Variants in GSE1 observed in about 807,000 individuals in gnomAD.
The protein encoded by GSE1 is Gse1 coiled-coil protein.
GSE1 carries 32 observed loss-of-function variants against 112.6 expected under a neutral mutation model. The ratio of observed to expected loss-of-function variants is 0.28; its 90% CI spans 0.21 to 0.38. The LOEUF (loss-of-function observed/expected upper bound fraction) is 0.38, where lower values mean the gene tolerates loss of function less well. Among genes scored for constraint, GSE1 ranks in the 10% least tolerant of loss-of-function variants. The probability of loss-of-function intolerance (pLI) is 1.00; values close to 1 mark genes in which losing one functional copy is unlikely to be tolerated. For synonymous variants in GSE1, 1,115 were observed against 735.6 expected (o/e 1.52, Z -8.35); for missense variants, 2,348 against 1,699.2 (o/e 1.38, Z -6.71).
intron 1 of GSE1, among the ~76,000 whole-genome samples, chr16:85,325,373 T>C (rs1340738771): frequency 6.6e-6 from 1 of 152,176 alleles, no homozygotes; most frequent in Non-Finnish European, 1.5e-5. Context: ...TCCCTCTAAG[T>C]TCTTCCAGTG....
chr16:85,471,223 G>A (rs1305525079), intron 2 of GSE1, among the ~76,000 whole-genome samples: 1 of 152,202 alleles, frequency 6.6e-6, no homozygotes, highest in African/African-American at 2.4e-5. Flanking sequence ...CATTTCTGGT[G>A]GGGGCAGGTC....
At chr16:85,514,817 C>T (rs1211396605) in intron 2 of GSE1, among the ~76,000 whole-genome samples, 1 of 152,204 alleles carries the variant, frequency 6.6e-6, no homozygotes, top group Non-Finnish European at 1.5e-5. Context: ...AGCTCCTCTC[C>T]CTGTCCCTGC....
chr16:85,641,316 G>A (rs112823759), intron 2 of GSE1, among the ~76,000 whole-genome samples: 4,770 of 152,306 alleles, frequency 0.031, 108 homozygotes, highest in Non-Finnish European at 0.042. Context: ...TCCGCCCCCG[G>A]CAAAACGCAT....
In GSE1 at chr16:85,186,963, A is replaced by G. The variant is rs558229645; in HGVS notation, c.2283+15156A>G. On this transcript the variant is annotated intron_variant, in intron 1 of 2. Transcript: ENST00000637419. Reference sequence around the variant, plus strand: ...CAGGGAAGTTGACTTCCTCTTTCCCACCAGCCCCTCAGGGTGATTTGGTGG... The same window carrying G: ...CAGGGAAGTTGACTTCCTCTTTCCCGCCAGCCCCTCAGGGTGATTTGGTGG... Among the ~76,000 whole-genome samples, 4 of 152,246 alleles carry G rather than the reference A, an allele frequency of 2.6e-5. No individual in the cohort carries two copies. The South Asian group carries it at 8.3e-4, about 32-fold the overall frequency.
chr16:85,509,509 T>C (rs1219057528), intron 2 of GSE1, among the ~76,000 whole-genome samples: 1 of 152,244 alleles, frequency 6.6e-6, no homozygotes, highest in Non-Finnish European at 1.5e-5. Context: ...GTCACCCACC[T>C]GGAGGGTCCG....
chr16:85,252,625 G>A (rs1022002395), intron 1 of GSE1, among the ~76,000 whole-genome samples: 1 of 152,242 alleles, frequency 6.6e-6, no homozygotes. Flanking sequence ...AGCAGGAAGA[G>A]GCTGGAGAGG....
chr16:85,447,447 G>C (rs887271623), intron 2 of GSE1, among the ~76,000 whole-genome samples: 1 of 152,198 alleles, frequency 6.6e-6, no homozygotes, highest in African/African-American at 2.4e-5. Flanking sequence ...TCTGAAAAAC[G>C]GGGCAGTTAA....
intron 2 of GSE1, among the ~76,000 whole-genome samples, chr16:85,483,191 C>T (rs926194055): frequency 6.6e-6 from 1 of 152,240 alleles, no homozygotes; most frequent in African/African-American, 2.4e-5. Context: ...AGACATCTCA[C>T]TGTGTATTAA....
chr16:85,493,656 G>A (rs1232125647), intron 2 of GSE1, among the ~76,000 whole-genome samples: 1 of 152,124 alleles, frequency 6.6e-6, no homozygotes, highest in Admixed American at 6.5e-5. Flanking sequence ...GGGAGGCTGA[G>A]GCAGGAGAAT....
intron 2 of GSE1, among the ~76,000 whole-genome samples, chr16:85,431,752 T>A (rs1247490060): frequency 1.3e-5 from 2 of 152,192 alleles, no homozygotes; most frequent in Admixed American, 1.3e-4. Context: ...AGAGGGTATC[T>A]GGGCCGCCTT....
intron 2 of GSE1, among the ~76,000 whole-genome samples, chr16:85,366,545 G>C (rs1010922343): frequency 2.0e-5 from 3 of 152,346 alleles, no homozygotes; most frequent in Non-Finnish European, 2.9e-5. Context: ...CTCTTTCCTT[G>C]TAAGTGGGTC....
At chr16:85,497,157 C>T (rs576195450) in intron 2 of GSE1, among the ~76,000 whole-genome samples, 43 of 152,354 alleles carry the variant, frequency 2.8e-4, no homozygotes, top group South Asian at 4.1e-4. Flanking sequence ...CCTCAGCCTC[C>T]CAAAGTGCTG....
At chr16:85,532,890 C>A (rs2044182582) in intron 2 of GSE1, among the ~76,000 whole-genome samples, 1 of 152,178 alleles carries the variant, frequency 6.6e-6, no homozygotes, top group African/African-American at 2.4e-5. Context: ...GCCTGTGGCC[C>A]CTGGTTTGGT....
At chr16:85,325,559 C>G (rs954604249) in intron 1 of GSE1, among the ~76,000 whole-genome samples, 4 of 151,416 alleles carry the variant, frequency 2.6e-5, no homozygotes, top group Non-Finnish European at 4.4e-5. Context: ...TCAAGTGGTT[C>G]TCCTGCCTCA....
At chr16:85,225,923 T>C (rs1597842877) in intron 1 of GSE1, among the ~76,000 whole-genome samples, 1 of 152,248 alleles carries the variant, frequency 6.6e-6, no homozygotes, top group East Asian at 1.9e-4. Flanking sequence ...ATCTGAAGGC[T>C]CTGCTGGGGC....
intron 2 of GSE1, among the ~76,000 whole-genome samples, chr16:85,418,202 C>T (rs1231052662): frequency 2.0e-5 from 3 of 152,218 alleles, no homozygotes; most frequent in Non-Finnish European, 4.4e-5. Context: ...CCATGCCAGA[C>T]GGAGGCAGGT....
At position 85,556,385 on chromosome 16, in the gene GSE1, C is replaced by G. The variant is rs953572681; in HGVS notation, c.37+22C>G. On this transcript the variant is annotated intron_variant, in intron 1 of 2. Coordinates refer to the GSE1 transcript ENST00000635906. ...CCAGGTAAGCGAGCCGTGCGCCTCCCTGGGTCCCGCGCGGCGCCGGCGCGC... is the reference window on the plus strand; with the variant it reads ...CCAGGTAAGCGAGCCGTGCGCCTCCGTGGGTCCCGCGCGGCGCCGGCGCGC... 1.1e-4 allele frequency: 107 copies of G among 982,018 alleles called. No individual in the cohort carries two copies. In the African/African-American group the frequency reaches 1.9e-3, roughly 17 times the overall value. 60.8% of individuals were successfully genotyped at this position (982,018 alleles called of 1,614,324 possible).
At chr16:85,598,880 G>A (rs1349904937) in intron 1 of GSE1, among the ~76,000 whole-genome samples, 1 of 152,230 alleles carries the variant, frequency 6.6e-6, no homozygotes, top group African/African-American at 2.4e-5. Context: ...CCTGTGGTCT[G>A]TGATCAATGA....
chr16:85,191,714 C>G (rs2074826086), intron 1 of GSE1, among the ~76,000 whole-genome samples: 1 of 152,156 alleles, frequency 6.6e-6, no homozygotes, highest in African/African-American at 2.4e-5. Context: ...GTGATGGGCT[C>G]CGAGTAGAGG....
Sources: allele counts gnomAD v4.1 joint callset (sites outside exome capture counted in the v4.1 genomes callset), GRCh38; gene constraint gnomAD v4.1.1; transcripts MANE v1.5; gene names NCBI Gene and HGNC (gene_info 2026-07-23, HGNC 2026-07-21).